MATR3: variants seen among roughly 807,000 people sequenced by gnomAD.
MATR3 encodes matrin 3.
Under a neutral mutation model 85.5 loss-of-function variants are expected in MATR3, and 4 were observed. The ratio of observed to expected loss-of-function variants is 0.05; its 90% CI spans 0.02 to 0.11. The LOEUF is 0.11. Ranked by LOEUF, MATR3 falls within the 10% of genes least tolerant of loss-of-function variation. MATR3 has a pLI of 1.00. For missense variants in MATR3, 685 were observed against 1,016.1 expected (o/e 0.67, Z 4.43); for synonymous variants, 336 against 343.1 (o/e 0.98, Z 0.23).
At position 139,322,711 on chromosome 5, in the gene MATR3, C is replaced by A. The variant is rs767630525; in HGVS notation, c.1892C>A (p.Ser631Tyr). 5 of 1,614,078 alleles carry A rather than the reference C, an allele frequency of 3.1e-6. No homozygotes were observed. In the East Asian group the frequency reaches 8.9e-5, roughly 29 times the overall value. Residue 631 changes from serine to tyrosine, a missense_variant, in exon 12 of 15, where the codon TCC becomes TAC. Physicochemically the swap from Ser to Tyr is moderately radical, Grantham distance 144. This residue lies in a region of MATR3 where 215 missense variants were observed against 194.7 expected (regional missense o/e 1.10). Coordinates refer to ENST00000394805, the MANE Select transcript of MATR3 (RefSeq NM_018834.6). ...STEGKEQEEK[S>Y]GEDGEKDTKD... is the part of the protein sequence containing the mutation. ...GAAGGTAAAGAACAAGAAGAGAAGT[C>A]CGGTGAAGATGGTGAGAAAGACACA...
intron 1 of MATR3, among the ~76,000 whole-genome samples, chr5:139,306,516 CAG>C (rs1432581819): frequency 6.6e-6 from 1 of 152,026 alleles, no homozygotes; most frequent in Non-Finnish European, 1.5e-5. Context: ...CTGTACTGAC[CAG>C]AGTTAGTTCT....
chr5:139,318,666 T>C lies in MATR3; in HGVS notation c.1309-242T>C, dbSNP rs538867687. Among the ~76,000 whole-genome samples, 7 of 152,362 alleles carry C rather than the reference T, an allele frequency of 4.6e-5. 1 individual carries two copies. Among genetic ancestry groups the C allele is most frequent in the Middle Eastern group, 6.8e-3 (2 of 294 alleles). On this transcript the variant is annotated intron_variant, in intron 7 of 14. Coordinates refer to ENST00000394805, the MANE Select transcript of MATR3 (RefSeq NM_018834.6). ...CCATGTTGGTCGGCCAGGATGGTCTTGATCTTTCAACCTCGTGATCCGCCT... is the reference window on the plus strand; with the variant it reads ...CCATGTTGGTCGGCCAGGATGGTCTCGATCTTTCAACCTCGTGATCCGCCT...
intron 7 of MATR3, among the ~76,000 whole-genome samples, chr5:139,318,348 G>A (rs1471242460): frequency 6.6e-6 from 1 of 152,156 alleles, no homozygotes; most frequent in Non-Finnish European, 1.5e-5. Context: ...TGGCCAGGCT[G>A]GTCTCGAAGT....
chr5:139,321,599 A>G (rs541401881), intron 9 of MATR3, among the ~76,000 whole-genome samples: 2 of 152,282 alleles, frequency 1.3e-5, no homozygotes, highest in Admixed American at 6.5e-5. Flanking sequence ...TCTAGGCAAC[A>G]TGGCGAAACT....
At chr5:139,310,676 C>CT in intron 2 of MATR3, 1 of 152,216 alleles carries the variant, frequency 6.6e-6, no homozygotes, top group Non-Finnish European at 1.5e-5. Context: ...AAGTAAGAAA[C>CT]TTAAGTTGAA....
chr5:139,323,073 AAAAT>A (rs1472011589), intron 12 of MATR3, 106 bp downstream of exon 12: 35 of 1,123,124 alleles, frequency 3.1e-5, no homozygotes, highest in South Asian at 9.6e-5. Flanking sequence ...TTTAAATCAG[AAAAT>A]AAATCAGATA....
chr5:139,293,693 A>C (rs1028548239), upstream of MATR3: 12 of 313,426 alleles, frequency 3.8e-5, no homozygotes, highest in Non-Finnish European at 5.2e-5. Context: ...CTTGGGCTGC[A>C]GCCGCTGCCG....
At chr5:139,274,317 G>T in intron 1 of MATR3, 1 of 348,496 alleles carries the variant, frequency 2.9e-6, no homozygotes, top group Admixed American at 3.8e-5. Context: ...TTGGGCCTCG[G>T]AGTCGTCCCC....
At chr5:139,281,528 AG>A (rs1293972095) in intron 3 of MATR3, among the ~76,000 whole-genome samples, 2 of 151,530 alleles carry the variant, frequency 1.3e-5, no homozygotes, top group Non-Finnish European at 2.9e-5. Flanking sequence ...TTGTATTTTT[AG>A]TAGAGATGGG....
In MATR3 at chr5:139,307,188, A is replaced by C. The variant is rs888269461; in HGVS notation, c.-177-51A>C. On this transcript the variant is annotated intron_variant, in intron 1 of 14. Transcript: ENST00000394805. This position sits in a 1 kb window ranked among gnomAD's most constrained non-coding sequence, Gnocchi z 4.4. ...GCATAAGTTTTTTTTTCTTAAAAAAACGGCATCTGCTTAAAGGGATTTATG... is the reference window on the plus strand; with the variant it reads ...GCATAAGTTTTTTTTTCTTAAAAAACCGGCATCTGCTTAAAGGGATTTATG... The C allele has an allele frequency of 1.7e-4, 207 of 1,201,428 alleles. 3 individuals are homozygous for C. Among genetic ancestry groups the C allele is most frequent in the Non-Finnish European group, 2.6e-5 (25 of 968,188 alleles). 74.4% of individuals were successfully genotyped at this position (1,201,428 alleles called of 1,614,324 possible). A position where few individuals can be genotyped will look rare whatever the true frequency, so the allele number is the denominator to read the frequency against.
Position 139,307,036 on chromosome 5 carries a change from AGCAT to A in MATR3, c.-177-201_-177-198del, listed in dbSNP as rs1453589432. Among the ~76,000 whole-genome samples, 4 of 151,936 alleles carry A rather than the reference AGCAT, an allele frequency of 2.6e-5. No homozygotes were observed. Among genetic ancestry groups the A allele is most frequent in the African/African-American group, 9.7e-5 (4 of 41,432 alleles). On this transcript the variant is annotated intron_variant, in intron 1 of 14. Transcript: ENST00000394805. This position sits in a 1 kb window ranked among gnomAD's most constrained non-coding sequence, Gnocchi z 4.4. ...AAAGTCCCTTTAATAGTTAAGCTTTAGCATGAAATACTACTTTTTAAATATCTAT... is the reference window on the plus strand; with the variant it reads ...AAAGTCCCTTTAATAGTTAAGCTTTAGAAATACTACTTTTTAAATATCTAT...
Position 139,299,126 on chromosome 5 carries a change from T to A in MATR3, c.-178+5321T>A, listed in dbSNP as rs75426954. ...TTATTTCCAAAGTCTCGTTAATGTTTTGTTTCGTATTTTTATATACACTGG... is the reference window on the plus strand; with the variant it reads ...TTATTTCCAAAGTCTCGTTAATGTTATGTTTCGTATTTTTATATACACTGG... On this transcript the variant is annotated intron_variant, in intron 1 of 14. Coordinates refer to ENST00000394805, the MANE Select transcript of MATR3 (RefSeq NM_018834.6). 8.9e-3 allele frequency among the ~76,000 whole-genome samples: 1,362 copies of A among 152,306 alleles called. 24 individuals carry two copies. Among genetic ancestry groups the A allele is most frequent in the African/African-American group, 0.032 (1,333 of 41,556 alleles).
chr5:139,275,896 A>C (rs896484899), intron 1 of MATR3, among the ~76,000 whole-genome samples: 4 of 152,116 alleles, frequency 2.6e-5, no homozygotes, highest in African/African-American at 4.8e-5. Flanking sequence ...GGATAGAGCC[A>C]GGCTCCCTGA....
chr5:139,327,091 TATC>T (rs1755889323), intron 14 of MATR3, among the ~76,000 whole-genome samples: 1 of 152,226 alleles, frequency 6.6e-6, no homozygotes, highest in East Asian at 1.9e-4. Flanking sequence ...TTTTTGTAAT[TATC>T]AGCTTCTTTG....
intron 9 of MATR3, among the ~76,000 whole-genome samples, chr5:139,320,073 C>T (rs187439150): frequency 7.3e-5 from 11 of 150,642 alleles, no homozygotes; most frequent in African/African-American, 2.2e-4. Flanking sequence ...CTTTGGGAGG[C>T]GGAGGCAGGC....
intron 1 of MATR3, chr5:139,274,174 C>T (rs1465604252): frequency 2.4e-6 from 1 of 412,964 alleles, no homozygotes; most frequent in Non-Finnish European, 4.7e-6. Context: ...GAGTAAGGAC[C>T]CAGAGGGGAG....
Position 139,325,446 on chromosome 5 carries a change from A to G in MATR3, c.2155A>G (p.Lys719Glu), listed in dbSNP as rs759928245. 6.8e-6 allele frequency: 11 copies of G among 1,614,220 alleles called. No homozygotes were observed. In the East Asian group the frequency reaches 2.2e-4, roughly 33 times the overall value. Residue 719 changes from lysine to glutamate, a missense_variant, in exon 13 of 15, where the codon AAG becomes GAG. Lys to Glu is a moderately conservative substitution (Grantham distance 56). Transcript: ENST00000394805. ...AAKKKLKKVD[K>E]IEELDQENEA... The stretch of plus-strand genomic sequence containing the variant: ...TGGTTTGGTTGAAATTAAGGTGGAC[A>G]AGATCGAGGAACTTGATCAAGAAAA...
In MATR3 at chr5:139,309,168, AAT is replaced by A. The variant is rs1268806414; in HGVS notation, c.912+844_912+845del. On this transcript the variant is annotated intron_variant, in intron 2 of 14. Transcript: ENST00000394805. ...GGAACTTTTTCAAAATGCCCTTTTA[AAT>A]ATGTTGTCCTTTCTCTTTCAACTTT... Among the ~76,000 whole-genome samples, 4 of 152,286 alleles carry A rather than the reference AAT, an allele frequency of 2.6e-5. No homozygotes were observed. The East Asian group carries it at 7.7e-4, about 29-fold the overall frequency.
rs1304344865 is a variant in MATR3, at chr5:139,329,596, T to C, written c.*201T>C. 1.7e-6 allele frequency: 1 copy of C among 580,852 alleles called. No homozygotes were observed. The highest frequency in any genetic ancestry group is 2.2e-5 in the Admixed American group (1 of 45,878). The allele number at this position is 580,852 out of a possible 1,614,324, so 36.0% of individuals were successfully genotyped here. On this transcript the variant is annotated 3_prime_UTR_variant, in exon 15 of 15. Coordinates refer to ENST00000394805, the MANE Select transcript of MATR3 (RefSeq NM_018834.6). Reference sequence around the variant, plus strand: ...TATGGTTAAGTTAATGAATAGTTTTTGTTTTATCAGAATGGCAACAGACAG... The same window carrying C: ...TATGGTTAAGTTAATGAATAGTTTTCGTTTTATCAGAATGGCAACAGACAG...
Sources: allele counts gnomAD v4.1 joint callset (sites outside exome capture counted in the v4.1 genomes callset), GRCh38; gene constraint gnomAD v4.1.1; regional missense constraint gnomAD v4.1.1; non-coding constraint Gnocchi (gnomAD v3.1); transcripts MANE v1.5; gene names NCBI Gene and HGNC (gene_info 2026-07-23, HGNC 2026-07-21).